Variants in MED17 observed in about 807,000 individuals in gnomAD.
MED17 encodes mediator complex subunit 17.
MED17 carries 49 observed loss-of-function variants against 80.8 expected under a neutral mutation model. The ratio of observed to expected loss-of-function variants is 0.61; its 90% CI spans 0.48 to 0.77. The LOEUF (loss-of-function observed/expected upper bound fraction) is 0.77, where lower values mean the gene tolerates loss of function less well. MED17 is among the 30% of genes least tolerant of loss of function. MED17 has a pLI of 0.00. For synonymous variants in MED17, 281 were observed against 280.4 expected, an observed-to-expected ratio of 1.00 and a Z score of -0.02; for missense variants, 718 against 787.0, an observed-to-expected ratio of 0.91 and a Z score of 1.05.
intron 9 of MED17, among the ~76,000 whole-genome samples, chr11:93,803,644 G>A (rs1258153081): frequency 6.6e-6 from 1 of 152,122 alleles, no homozygotes; most frequent in East Asian, 1.9e-4. Flanking sequence ...TTATTTGCCA[G>A]TAAGCCTTTT....
intron 3 of MED17, among the ~76,000 whole-genome samples, chr11:93,791,377 C>T (rs1054307616): frequency 7.2e-5 from 11 of 152,090 alleles, no homozygotes; most frequent in African/African-American, 2.4e-4. Flanking sequence ...GGTAGAACTA[C>T]ACTCCTCAAT....
intron 2 of MED17, 56 bp downstream of exon 2, chr11:93,788,223 T>C (rs753192497): frequency 2.7e-6 from 4 of 1,466,090 alleles, no homozygotes; most frequent in South Asian, 1.2e-5. Flanking sequence ...CCCAGGACCC[T>C]TTTTTGGCTT....
At chr11:93,807,327 C>G in intron 9 of MED17, 191 bp from the exon 10 acceptor site, 3 of 536,854 alleles carry the variant, frequency 5.6e-6, no homozygotes, top group Admixed American at 3.0e-5. Flanking sequence ...GCAGGAGACT[C>G]TCTTGAACTC....
chr11:93,792,495 G>T (rs535056987), intron 3 of MED17, among the ~76,000 whole-genome samples: 4 of 152,290 alleles, frequency 2.6e-5, no homozygotes, highest in African/African-American at 9.6e-5. Context: ...ATTATGAAAG[G>T]ATTTGATCAC....
rs1436900832 is a variant in MED17 at position 93,814,287 on chromosome 11, G to A, written c.*2223G>A. 2 of 152,294 alleles carry A rather than the reference G, an allele frequency of 1.3e-5. No homozygotes were observed. The highest frequency in any genetic ancestry group is 4.8e-5 in the African/African-American group (2 of 41,558). 9.4% of individuals were successfully genotyped at this position (152,294 alleles called of 1,614,324 possible). On this transcript the variant is annotated 3_prime_UTR_variant, in exon 12 of 12. Transcript: ENST00000251871. ...TTGTAGAAACTAAAGCAAATGTGTG[G>A]GAAAATGGTAGCTTAGTTGCTGTGG...
rs1010359985 is a variant in MED17, at chr11:93,807,269, C to G, written c.1467-249C>G. The stretch of plus-strand genomic sequence containing the variant: ...TCTACTAAAAATAACAAAAATTAGC[C>G]GGGCATGATGGCAGGTGCCTGTAAT... On this transcript the variant is annotated intron_variant, in intron 9 of 11. Coordinates refer to ENST00000251871, the MANE Select transcript of MED17 (RefSeq NM_004268.5). 8 of 400,394 alleles carry G rather than the reference C, an allele frequency of 2.0e-5. No homozygotes were observed. The East Asian group carries it at 4.4e-4, about 22-fold the overall frequency. The allele number at this position is 400,394 out of a possible 1,614,324, so 24.8% of individuals were successfully genotyped here.
chr11:93,809,470 CAT>C (rs1944063700), intron 10 of MED17: 15 of 545,938 alleles, frequency 2.7e-5, no homozygotes, highest in South Asian at 2.7e-4. Context: ...AAATTTATGT[CAT>C]ATGTCTTTGC....
chr11:93,785,513 A>G (rs1943760279), intron 1 of MED17, among the ~76,000 whole-genome samples: 1 of 152,200 alleles, frequency 6.6e-6, no homozygotes, highest in African/African-American at 2.4e-5. Flanking sequence ...TAAAGATGTC[A>G]TTTCAGGGCA....
At chr11:93,787,970 G>T (rs748475316) in intron 1 of MED17, 31 bp from the exon 2 acceptor site, 2 of 1,596,898 alleles carry the variant, frequency 1.3e-6, no homozygotes, top group East Asian at 4.5e-5. Context: ...GAATACTTCT[G>T]TATTTCTTTT....
chr11:93,799,671 G>A (rs1943941362), intron 8 of MED17, among the ~76,000 whole-genome samples: 1 of 152,204 alleles, frequency 6.6e-6, no homozygotes, highest in Non-Finnish European at 1.5e-5. Context: ...AGCTACTTGG[G>A]AGGCTGAGGC....
intron 7 of MED17, 42 bp downstream of exon 7, chr11:93,796,582 T>G: frequency 6.2e-7 from 1 of 1,609,590 alleles, no homozygotes; most frequent in East Asian, 2.2e-5. Flanking sequence ...GGTGAGTATG[T>G]CCAGGGCAGT....
chr11:93,809,969 C>A, intron 11 of MED17, 93 bp downstream of exon 11: 2 of 1,265,586 alleles, frequency 1.6e-6, no homozygotes, highest in Non-Finnish European at 2.3e-6. Context: ...AGTAATTTAT[C>A]TCTGCAATAA....
At chr11:93,807,308 G>A in intron 9 of MED17, 1 of 479,680 alleles carries the variant, frequency 2.1e-6, no homozygotes, top group Non-Finnish European at 3.7e-6. Context: ...AGCTACTTGG[G>A]AGGCTGAGGC....
rs1373469807 is a variant in MED17, at chr11:93,811,986, G to T, written c.1878G>T (p.Gln626His). 1.2e-6 allele frequency: 2 copies of T among 1,613,976 alleles called. No homozygotes were observed. The highest frequency in any genetic ancestry group is 1.7e-6 in the Non-Finnish European group (2 of 1,180,012). Reference protein sequence around the residue: ...SHLRGPFKEVQWNKMEGRNFV... With the variant: ...SHLRGPFKEVHWNKMEGRNFV... ...TTCGTGGGCCATTCAAAGAAGTTCA[G>T]TGGAATAAAATGGAAGGTCGAAATT... Residue 626 changes from glutamine (Q) to histidine (H), a missense_variant, in exon 12 of 12, where the codon CAG becomes CAT. Transcript: ENST00000251871.
At chr11:93,794,198 A>AT (rs1229001796) in intron 5 of MED17, 163 bp downstream of exon 5, 4 of 458,568 alleles carry the variant, frequency 8.7e-6, no homozygotes, top group East Asian at 4.2e-5. Flanking sequence ...ATAGCTGTGC[A>AT]ATTTTTTTTT....
At chr11:93,808,102 G>A (rs544942252) in intron 10 of MED17, 19 of 185,958 alleles carry the variant, frequency 1.0e-4, no homozygotes, top group African/African-American at 3.8e-4. Flanking sequence ...GGTGGTTTGC[G>A]CCTATAATCC....
At chr11:93,791,248 A>G (rs1565289019) in intron 3 of MED17, among the ~76,000 whole-genome samples, 1 of 152,242 alleles carries the variant, frequency 6.6e-6, no homozygotes, top group Admixed American at 6.5e-5. Context: ...TCAGAACCTT[A>G]TAATAAATAG....
intron 9 of MED17, among the ~76,000 whole-genome samples, chr11:93,805,383 G>A (rs953049127): frequency 2.0e-5 from 3 of 152,100 alleles, no homozygotes; most frequent in African/African-American, 7.3e-5. Flanking sequence ...AGGAGTTCAA[G>A]CCCAGCCTGG....
At chr11:93,796,222 A>T in intron 6 of MED17, 188 bp from the exon 7 acceptor site, 1 of 570,974 alleles carries the variant, frequency 1.8e-6, no homozygotes, top group Non-Finnish European at 3.1e-6. Context: ...ACATGCTGGG[A>T]TTGCAGGCGT....
Sources: allele counts gnomAD v4.1 joint callset (sites outside exome capture counted in the v4.1 genomes callset), GRCh38; gene constraint gnomAD v4.1.1; transcripts MANE v1.5; gene names NCBI Gene and HGNC (gene_info 2026-07-23, HGNC 2026-07-21).